Variants in CTDP1 observed in about 807,000 individuals in gnomAD.
CTDP1 encodes the protein RNA polymerase II subunit A C-terminal domain phosphatase.
Under a neutral mutation model 91.8 loss-of-function variants are expected in CTDP1, and 47 were observed. The observed-to-expected ratio is 0.51, with a 90% CI of 0.41 to 0.65. The LOEUF is 0.65. CTDP1 is among the 30% of genes least tolerant of loss of function. The pLI is 0.00. For synonymous variants in CTDP1, 656 were observed against 598.5 expected (o/e 1.10, Z -1.40); for missense variants, 1,272 against 1,373.7 (o/e 0.93, Z 1.17).
intron 10 of CTDP1, among the ~76,000 whole-genome samples, chr18:79,727,019 T>C (rs566143600): frequency 1.7e-4 from 23 of 136,234 alleles, no homozygotes; most frequent in African/African-American, 6.2e-4. Flanking sequence ...CTGTGGGGTA[T>C]GGGGGTGACG....
rs1012787513 is a variant in CTDP1, at chr18:79,728,999, A to G, written c.2510A>G (p.Gln837Arg). The G allele has an allele frequency of 3.5e-5, 56 of 1,614,098 alleles. No homozygotes were observed. The highest frequency in any genetic ancestry group is 4.7e-5 in the Non-Finnish European group (55 of 1,180,058). The change falls in exon 11 of 13, where the codon CAG becomes CGG. Residue 837 changes from glutamine (Q) to arginine (R), a missense_variant. This residue lies in a region of CTDP1 where 881 missense variants were observed against 911.6 expected (regional missense o/e 0.97). Transcript: ENST00000613122. Reference protein sequence around the residue: ...EQPGPSRRKRQPSMSETMPLY... With the variant: ...EQPGPSRRKRRPSMSETMPLY... ...CCTGGCCCTTCTAGAAGAAAGCGAC[A>G]GCCCAGTATGTCTGAGACAATGCCG...
intron 10 of CTDP1, among the ~76,000 whole-genome samples, chr18:79,722,734 T>G (rs776019363): frequency 2.0e-5 from 3 of 152,186 alleles, no homozygotes; most frequent in Non-Finnish European, 2.9e-5. Flanking sequence ...TGAAACGACC[T>G]ACTTACATCA....
chr18:79,732,514 ACG>A (rs1255553635), intron 11 of CTDP1, among the ~76,000 whole-genome samples: 3 of 109,048 alleles, frequency 2.8e-5, no homozygotes, highest in African/African-American at 1.1e-4. Flanking sequence ...TCCCAAAATC[ACG>A]TGAGACATGA....
At chr18:79,716,102 A>G in intron 8 of CTDP1, among the ~76,000 whole-genome samples, 1 of 152,286 alleles carries the variant, frequency 6.6e-6, no homozygotes, top group South Asian at 2.1e-4. Context: ...CCCGGTGCTT[A>G]AAAAACCCAA....
At chr18:79,696,284 C>T (rs977214823) in intron 3 of CTDP1, among the ~76,000 whole-genome samples, 5 of 151,612 alleles carry the variant, frequency 3.3e-5, no homozygotes, top group Non-Finnish European at 5.9e-5. Context: ...CCTGCAAAAG[C>T]GACTCAGGGC....
In CTDP1 at chr18:79,680,163, C is replaced by T. The variant is rs1028182398; in HGVS notation, c.216C>T (p.Gly72=). ...GASQSRVASG[G]CVRPARPERR... ...CTCAGTCCCGTGTAGCCTCCGGGGG[C>T]TGCGTGCGCCCCGCGCGGCCGGAAC... Residue 72 remains glycine, a synonymous_variant, in exon 1 of 13, where the codon GGC becomes GGT. Coordinates refer to ENST00000613122, the MANE Select transcript of CTDP1 (RefSeq NM_004715.5). 17 of 1,393,348 alleles carry T rather than the reference C, an allele frequency of 1.2e-5. No individual in the cohort carries two copies. In the East Asian group the frequency reaches 1.3e-4, roughly 10 times the overall value. The allele number at this position is 1,393,348 out of a possible 1,614,324, so 86.3% of individuals were successfully genotyped here. A position where few individuals can be genotyped will look rare whatever the true frequency, so the allele number is the denominator to read the frequency against.
In CTDP1 at chr18:79,693,995, G is replaced by C. The variant is rs945104875; in HGVS notation, c.315-1230G>C. Among the ~76,000 whole-genome samples the C allele has an allele frequency of 2.6e-5, 4 of 152,340 alleles. No homozygotes were observed. The South Asian group carries it at 8.3e-4, about 32-fold the overall frequency. ...GAGGATGTGGCTCCGCCTTGTTTCC[G>C]CCTGTGGCCTGATCCTTGCGCCCTC... is the stretch of plus-strand genomic sequence containing the variant. On this transcript the variant is annotated intron_variant, in intron 1 of 12. Transcript: ENST00000613122.
At chr18:79,688,944 GC>G (rs1226194956) in intron 1 of CTDP1, among the ~76,000 whole-genome samples, 9 of 152,240 alleles carry the variant, frequency 5.9e-5, no homozygotes, top group African/African-American at 2.2e-4. Flanking sequence ...TTAATGCTTT[GC>G]TGAGTTTGCT....
intron 12 of CTDP1, among the ~76,000 whole-genome samples, chr18:79,737,486 A>G (rs2086691851): frequency 6.6e-6 from 1 of 152,060 alleles, no homozygotes; most frequent in African/African-American, 2.4e-5. Flanking sequence ...TTCTGACATC[A>G]TCTTTCTCCA....
At chr18:79,714,419 G>T (rs368197790) in intron 7 of CTDP1, 72 bp from the exon 8 acceptor site, 1 of 1,552,946 alleles carries the variant, frequency 6.4e-7, no homozygotes, top group Admixed American at 1.7e-5. Context: ...GAAGGGTGCT[G>T]CTTTAACTTG....
At chr18:79,735,212 C>T (rs997001369) in intron 11 of CTDP1, among the ~76,000 whole-genome samples, 2 of 152,152 alleles carry the variant, frequency 1.3e-5, no homozygotes, top group Admixed American at 6.5e-5. Flanking sequence ...GGCCGTTTCT[C>T]GTACCTGCTG....
intron 1 of CTDP1, among the ~76,000 whole-genome samples, chr18:79,689,058 C>G (rs1271149993): frequency 6.6e-6 from 1 of 152,182 alleles, no homozygotes; most frequent in Non-Finnish European, 1.5e-5. Flanking sequence ...AAAACAAAGA[C>G]GTGCTCTTAC....
chr18:79,682,680 C>G (rs963833436), intron 1 of CTDP1, among the ~76,000 whole-genome samples: 27 of 152,328 alleles, frequency 1.8e-4, no homozygotes, highest in Non-Finnish European at 1.9e-4. Flanking sequence ...CGCTGACTTT[C>G]TGGATCAGTG....
chr18:79,714,679 T>A lies in CTDP1; in HGVS notation c.1219T>A (p.Trp407Arg). The A allele has an allele frequency of 6.2e-7, 1 of 1,611,086 alleles. No individual in the cohort carries two copies. Among genetic ancestry groups the A allele is most frequent in the Non-Finnish European group, 8.5e-7 (1 of 1,179,128 alleles). ...RPGKPDERDI[W>R]PPAQAPTSSQ... ...CGGGAAGCCAGACGAGAGGGACATCTGGCCCCCTGCCCAGGCCCCCACCAG... is the reference window on the plus strand; with the variant it reads ...CGGGAAGCCAGACGAGAGGGACATCAGGCCCCCTGCCCAGGCCCCCACCAG... The change falls in exon 8 of 13, where the codon TGG becomes AGG. Residue 407 changes from tryptophan to arginine, a missense_variant. By Grantham distance (101) the Trp-to-Arg change is moderately radical (BLOSUM62 -3). Coordinates refer to ENST00000613122, the MANE Select transcript of CTDP1 (RefSeq NM_004715.5).
At chr18:79,726,652 TC>T (rs1197493503) in intron 10 of CTDP1, among the ~76,000 whole-genome samples, 1 of 151,958 alleles carries the variant, frequency 6.6e-6, no homozygotes, top group Non-Finnish European at 1.5e-5. Flanking sequence ...GCCCCCTTGT[TC>T]CTGCCATTTG....
chr18:79,721,303 T>G (rs1367737112), intron 10 of CTDP1, among the ~76,000 whole-genome samples: 1 of 152,056 alleles, frequency 6.6e-6, no homozygotes, highest in Non-Finnish European at 1.5e-5. Flanking sequence ...TTGACAAAGC[T>G]CCTGGACACT....
rs77025340 is a variant in CTDP1 at position 79,697,424 on chromosome 18, A to T, written c.493-436A>T. On this transcript the variant is annotated intron_variant, in intron 3 of 12. Coordinates refer to ENST00000613122, the MANE Select transcript of CTDP1 (RefSeq NM_004715.5). ...CCCCCGGGTCTCTTCGAGGCACAAG[A>T]ATAGGCTGAGCGTGGAAGGTTCTGA... Among the ~76,000 whole-genome samples the T allele has an allele frequency of 1.1e-3, 168 of 152,324 alleles. 7 individuals are homozygous for T. The East Asian group carries it at 0.031, about 28-fold the overall frequency.
intron 1 of CTDP1, among the ~76,000 whole-genome samples, chr18:79,687,582 T>G (rs1457243695): frequency 1.3e-5 from 2 of 151,288 alleles, no homozygotes; most frequent in African/African-American, 2.4e-5. Context: ...TCCAGTTCAC[T>G]GGTGGGCCTG....
At chr18:79,740,318 G>A (rs2086750852) in intron 12 of CTDP1, among the ~76,000 whole-genome samples, 1 of 152,244 alleles carries the variant, frequency 6.6e-6, no homozygotes, top group African/African-American at 2.4e-5. Context: ...CCTCAAAAGG[G>A]TGGGGCGGTG....
Sources: gnomAD v4.1 joint callset for allele counts (sites outside exome capture counted in the v4.1 genomes callset) on GRCh38, gnomAD v4.1.1 for gene constraint, gnomAD v4.1.1 regional missense constraint, MANE v1.5 for transcripts, NCBI Gene and HGNC (gene_info 2026-07-23, HGNC 2026-07-21) for gene names.